The following BANK1 variants were observed in gnomAD, a reference collection of about 807,000 sequenced individuals.
BANK1 encodes the protein B-cell scaffold protein with ankyrin repeats.
Under a neutral mutation model 94.5 loss-of-function variants are expected in BANK1, and 95 were observed. The observed-to-expected ratio is 1.00, with a 90% CI of 0.85 to 1.19. BANK1 has a LOEUF of 1.19. BANK1 is among the 50% of genes most tolerant of loss of function. The pLI is 0.00. For synonymous variants in BANK1, 334 were observed against 308.4 expected (o/e 1.08, Z -0.87); for missense variants, 987 against 932.2 (o/e 1.06, Z -0.77).
chr4:101,844,412 A>T (rs994319647), intron 2 of BANK1, among the ~76,000 whole-genome samples: 6 of 152,208 alleles, frequency 3.9e-5, no homozygotes, highest in African/African-American at 1.4e-4. Context: ...GAAAGACTGC[A>T]ATGGCAAACC....
Position 102,055,635 on chromosome 4 carries a change from G to A in BANK1, c.1970-4576G>A, listed in dbSNP as rs183722558. On this transcript the variant is annotated intron_variant, in intron 11 of 16. Transcript: ENST00000322953. ...TCTTAAAAATTATTTTAACTAGCTG[G>A]ATATAATTAATACATAATTCACTTT... Among the ~76,000 whole-genome samples, 39 of 151,946 alleles carry A rather than the reference G, an allele frequency of 2.6e-4. 1 individual carries two copies. Among genetic ancestry groups the A allele is most frequent in the Admixed American group, 2.3e-3 (35 of 15,260 alleles).
At chr4:101,873,271 T>C (rs908900979) in intron 5 of BANK1, among the ~76,000 whole-genome samples, 4 of 152,312 alleles carry the variant, frequency 2.6e-5, no homozygotes, top group Non-Finnish European at 4.4e-5. Flanking sequence ...CCTACTTACT[T>C]AGCTGAAATG....
intron 7 of BANK1, among the ~76,000 whole-genome samples, chr4:101,923,218 C>T (rs2148902183): frequency 6.6e-6 from 1 of 151,858 alleles, no homozygotes; most frequent in Middle Eastern, 3.4e-3. Flanking sequence ...ATTTAGACTT[C>T]ACTGTCAATC....
At chr4:101,843,119 T>C (rs949016943) in intron 2 of BANK1, among the ~76,000 whole-genome samples, 3 of 152,230 alleles carry the variant, frequency 2.0e-5, no homozygotes, top group Non-Finnish European at 4.4e-5. Flanking sequence ...GTATTTCCTT[T>C]CATTTTAGGC....
chr4:102,010,038 G>T (rs1160939289), intron 7 of BANK1, among the ~76,000 whole-genome samples: 1 of 152,148 alleles, frequency 6.6e-6, no homozygotes, highest in Non-Finnish European at 1.5e-5. Flanking sequence ...AGGCTAAGGT[G>T]GGCAGATCAC....
At chr4:101,969,350 A>G (rs1010262259) in intron 7 of BANK1, among the ~76,000 whole-genome samples, 15 of 152,140 alleles carry the variant, frequency 9.9e-5, no homozygotes, top group Admixed American at 5.9e-4. Flanking sequence ...TCTCTGGCTA[A>G]TGAAAATGCC....
At chr4:101,824,167 G>T (rs554350329) in intron 1 of BANK1, among the ~76,000 whole-genome samples, 103 of 152,216 alleles carry the variant, frequency 6.8e-4, no homozygotes, top group Non-Finnish European at 1.2e-3. Context: ...CACTGCCTGA[G>T]GTTGTCTCCC....
chr4:102,023,029 A>G (rs1160984511), intron 8 of BANK1, among the ~76,000 whole-genome samples: 1 of 152,148 alleles, frequency 6.6e-6, no homozygotes, highest in Non-Finnish European at 1.5e-5. Context: ...TTAATATGAT[A>G]TATTATTTAT....
intron 6 of BANK1, among the ~76,000 whole-genome samples, chr4:101,897,517 A>G (rs1331685213): frequency 2.0e-5 from 3 of 152,122 alleles, no homozygotes; most frequent in African/African-American, 4.8e-5. Flanking sequence ...GTCCCTGAAA[A>G]TATGAATCTG....
intron 2 of BANK1, among the ~76,000 whole-genome samples, chr4:101,833,579 T>C (rs932569185): frequency 2.0e-5 from 3 of 152,202 alleles, no homozygotes; most frequent in Non-Finnish European, 4.4e-5. Flanking sequence ...AGGAAGTAAG[T>C]TTGCCGGCTC....
intron 12 of BANK1, among the ~76,000 whole-genome samples, chr4:102,060,854 C>CAT (rs539945961): frequency 4.9e-4 from 75 of 152,252 alleles, no homozygotes; most frequent in Admixed American, 1.7e-3. Context: ...CACACATTTA[C>CAT]ATATATATGT....
intron 11 of BANK1, among the ~76,000 whole-genome samples, chr4:102,051,646 A>C (rs1728049985): frequency 6.6e-6 from 1 of 152,158 alleles, no homozygotes. Context: ...TCATAATAGG[A>C]GGTAGAAAGA....
chr4:102,044,363 A>G (rs1425263112), intron 11 of BANK1, among the ~76,000 whole-genome samples: 1 of 152,232 alleles, frequency 6.6e-6, no homozygotes, highest in African/African-American at 2.4e-5. Flanking sequence ...ATATGAACTC[A>G]TCATTTTTTA....
intron 2 of BANK1, among the ~76,000 whole-genome samples, chr4:101,836,566 A>C (rs1324264332): frequency 3.3e-5 from 5 of 152,212 alleles, no homozygotes; most frequent in African/African-American, 1.2e-4. Context: ...CCACAAACCT[A>C]GAAAGGACAA....
chr4:101,910,693 C>T (rs1722634435), intron 6 of BANK1, among the ~76,000 whole-genome samples: 1 of 104,100 alleles, frequency 9.6e-6, no homozygotes, highest in Admixed American at 1.2e-4. Context: ...GACTCCGTCT[C>T]GAAAAAAAAA....
chr4:101,920,792 G>GA (rs36073662), intron 7 of BANK1, among the ~76,000 whole-genome samples: 53,647 of 151,688 alleles, frequency 0.35, 9,772 homozygotes, highest in African/African-American at 0.38. Flanking sequence ...AGTGATTTGG[G>GA]TCATCACTAA....
At chr4:102,037,248 T>C (rs1221039005) in intron 10 of BANK1, among the ~76,000 whole-genome samples, 1 of 152,234 alleles carries the variant, frequency 6.6e-6, no homozygotes, top group Non-Finnish European at 1.5e-5. Context: ...CTAAATGTCT[T>C]ACATGCACTG....
At chr4:101,839,674 T>C (rs1002574890) in intron 2 of BANK1, among the ~76,000 whole-genome samples, 8 of 152,154 alleles carry the variant, frequency 5.3e-5, no homozygotes, top group Non-Finnish European at 1.2e-4. Flanking sequence ...CTTCAATTCT[T>C]AAGCAGGGAG....
intron 5 of BANK1, among the ~76,000 whole-genome samples, chr4:101,894,704 G>A (rs529231936): frequency 6.6e-6 from 1 of 151,976 alleles, no homozygotes; most frequent in South Asian, 2.1e-4. Flanking sequence ...TTTTGTAACA[G>A]GTTATATCAT....
Sources: allele counts gnomAD v4.1 joint callset (sites outside exome capture counted in the v4.1 genomes callset), GRCh38; gene constraint gnomAD v4.1.1; transcripts MANE v1.5; gene names NCBI Gene and HGNC (gene_info 2026-07-23, HGNC 2026-07-21).